The following NRXN3 variants were observed in gnomAD, a reference collection of about 807,000 sequenced individuals.
NRXN3 encodes neurexin 3, also known as neurexin III.
Under a neutral mutation model 137.6 loss-of-function variants are expected in NRXN3, and 32 were observed. The observed-to-expected ratio is 0.23, with a 90% CI of 0.18 to 0.31. NRXN3 has a LOEUF of 0.31. Ranked by LOEUF, NRXN3 falls within the 10% of genes least tolerant of loss-of-function variation. The pLI is 1.00. For missense variants in NRXN3, 1,574 were observed against 2,062.5 expected (o/e 0.76, Z 4.59); for synonymous variants, 798 against 784.5 (o/e 1.02, Z -0.29).
At chr14:78,456,803 TTCTTTC>T (rs1436404351) in intron 4 of NRXN3, among the ~76,000 whole-genome samples, 1 of 82,798 alleles carries the variant, frequency 1.2e-5, no homozygotes, top group African/African-American at 4.4e-5. Context: ...CTTTCTCTCT[TTCTTTC>T]TTTCTTTCTT....
rs1046558880 is a variant in NRXN3 at position 79,759,925 on chromosome 14, CT to C, written c.4015-45185del. On this transcript the variant is annotated intron_variant, in intron 19 of 20. Transcript: ENST00000335750. Reference sequence around the variant, plus strand: ...GATCTGTCTGTATGAATATTTTTAGCTTCTGAATTTGACATAAGAATAGGAT... The same window carrying C: ...GATCTGTCTGTATGAATATTTTTAGCTCTGAATTTGACATAAGAATAGGAT... Among the ~76,000 whole-genome samples, 7 of 151,710 alleles carry C rather than the reference CT, an allele frequency of 4.6e-5. 1 individual carries two copies. Among genetic ancestry groups the C allele is most frequent in the African/African-American group, 1.7e-4 (7 of 41,060 alleles).
At chr14:79,740,715 TATATATATATATATA>T (rs2098959201) in intron 19 of NRXN3, among the ~76,000 whole-genome samples, 1 of 7,540 alleles carries the variant, frequency 1.3e-4, no homozygotes, top group Non-Finnish European at 2.6e-4. Flanking sequence ...TAGTTTTTTA[TATATATATATATATA>T]TATATATATA....
chr14:79,718,153 GA>G (rs2098830002), intron 19 of NRXN3, among the ~76,000 whole-genome samples: 1 of 152,184 alleles, frequency 6.6e-6, no homozygotes, highest in Admixed American at 6.5e-5. Context: ...TAGTTTAGGG[GA>G]AGTTACTCTA....
intron 4 of NRXN3, among the ~76,000 whole-genome samples, chr14:78,520,541 G>T: frequency 6.6e-6 from 1 of 152,122 alleles, no homozygotes; most frequent in East Asian, 1.9e-4. Context: ...AGATAAAGTT[G>T]GTGGAATAGA....
chr14:79,599,342 T>A (rs927628948), intron 16 of NRXN3, among the ~76,000 whole-genome samples: 2 of 152,196 alleles, frequency 1.3e-5, no homozygotes, highest in African/African-American at 4.8e-5. Flanking sequence ...GTTGTGATTC[T>A]TCTAGAGTGG....
intron 19 of NRXN3, among the ~76,000 whole-genome samples, chr14:79,748,004 C>T (rs529356957): frequency 3.8e-4 from 57 of 151,562 alleles, no homozygotes; most frequent in Admixed American, 1.3e-3. Flanking sequence ...GAGCTGAACA[C>T]GTAGACATGG....
At chr14:79,188,627 G>T (rs12434945) in intron 15 of NRXN3, among the ~76,000 whole-genome samples, 5,447 of 152,210 alleles carry the variant, frequency 0.036, 236 homozygotes, top group East Asian at 0.22. Flanking sequence ...CCATACTTTT[G>T]AATAGCTATC....
At chr14:79,322,908 G>A (rs2090267834) in intron 15 of NRXN3, among the ~76,000 whole-genome samples, 1 of 152,188 alleles carries the variant, frequency 6.6e-6, no homozygotes, top group South Asian at 2.1e-4. Context: ...AAAACATGAA[G>A]ACAAAGATCC....
chr14:78,996,299 T>C (rs1429458146), intron 15 of NRXN3, among the ~76,000 whole-genome samples: 3 of 152,190 alleles, frequency 2.0e-5, no homozygotes, highest in African/African-American at 7.2e-5. Context: ...GATACCAGTT[T>C]CATAGATGAG....
intron 19 of NRXN3, among the ~76,000 whole-genome samples, chr14:79,791,034 C>T (rs1008966896): frequency 6.6e-6 from 1 of 152,132 alleles, no homozygotes; most frequent in Non-Finnish European, 1.5e-5. Context: ...GGATCCACCC[C>T]TCTGAGCCAA....
intron 15 of NRXN3, among the ~76,000 whole-genome samples, chr14:79,321,852 A>G (rs1352565173): frequency 2.0e-5 from 3 of 148,804 alleles, no homozygotes; most frequent in Non-Finnish European, 4.5e-5. Context: ...TATATTATTT[A>G]TATATAAACT....
intron 10 of NRXN3, among the ~76,000 whole-genome samples, chr14:78,912,229 G>A (rs1386365295): frequency 6.6e-6 from 1 of 150,990 alleles, no homozygotes; most frequent in African/African-American, 2.4e-5. Flanking sequence ...CTTCATCCAT[G>A]TCCCTACAAA....
At chr14:79,419,156 A>G (rs2153529382) in intron 15 of NRXN3, among the ~76,000 whole-genome samples, 1 of 152,354 alleles carries the variant, frequency 6.6e-6, no homozygotes, top group South Asian at 2.1e-4. Flanking sequence ...ACATTTAGAA[A>G]TGCTCATCAA....
chr14:79,182,474 A>G (rs2063040452), intron 15 of NRXN3, among the ~76,000 whole-genome samples: 1 of 151,970 alleles, frequency 6.6e-6, no homozygotes, highest in African/African-American at 2.4e-5. Flanking sequence ...CGTGCAACCT[A>G]GATCCCTAGT....
chr14:78,994,990 G>A (rs537864451), intron 15 of NRXN3, among the ~76,000 whole-genome samples: 1 of 152,236 alleles, frequency 6.6e-6, no homozygotes, highest in Admixed American at 6.5e-5. Flanking sequence ...AGCTGATTGA[G>A]GGTTTGGTCC....
In NRXN3 at chr14:79,795,834, A is replaced by G. The variant is rs61992425; in HGVS notation, c.4015-9278A>G. 5.2e-3 allele frequency among the ~76,000 whole-genome samples: 798 copies of G among 152,180 alleles called. 3 individuals carry two copies. The highest frequency in any genetic ancestry group is 8.1e-3 in the Non-Finnish European group (552 of 68,004). ...GATAAGTTTTCTGTGCCACATACTA[A>G]GTTTTGGGATGTACTAACATGCACT... On this transcript the variant is annotated intron_variant, in intron 19 of 20. Transcript: ENST00000335750.
chr14:79,002,209 A>G (rs1385161470), intron 15 of NRXN3, among the ~76,000 whole-genome samples: 1 of 152,122 alleles, frequency 6.6e-6, no homozygotes, highest in African/African-American at 2.4e-5. Context: ...GGAAATGTGT[A>G]TATGTATTTT....
intron 19 of NRXN3, among the ~76,000 whole-genome samples, chr14:79,713,164 CTTTTTTTTTTTTT>C (rs574716352): frequency 4.8e-4 from 39 of 80,890 alleles, no homozygotes; most frequent in Non-Finnish European, 6.5e-4. Context: ...CTGATTTTTA[CTTTTTTTTTTTTT>C]TTTTTTTTTT....
chr14:79,051,698 A>G (rs1233662205), intron 15 of NRXN3, among the ~76,000 whole-genome samples: 1 of 152,262 alleles, frequency 6.6e-6, no homozygotes, highest in African/African-American at 2.4e-5. Context: ...AGCCCTGGTC[A>G]GAGGAACCTA....
Sources: gnomAD v4.1 joint callset for allele counts (sites outside exome capture counted in the v4.1 genomes callset) on GRCh38, gnomAD v4.1.1 for gene constraint, MANE v1.5 for transcripts, NCBI Gene and HGNC (gene_info 2026-07-23, HGNC 2026-07-21) for gene names.